BORCS5: variants seen among roughly 807,000 people sequenced by gnomAD.
The protein encoded by BORCS5 is BLOC-1 related complex subunit 5.
A neutral mutation model predicts 22.1 loss-of-function variants in BORCS5; 17 were observed. The ratio of observed to expected loss-of-function variants is 0.77; its 90% CI spans 0.53 to 1.15. The LOEUF is 1.15. Among genes scored for constraint, BORCS5 ranks in the 50% most tolerant of loss-of-function variants. The pLI is 0.00. For synonymous variants in BORCS5, 117 were observed against 99.8 expected, an observed-to-expected ratio of 1.17 and a Z score of -1.03; for missense variants, 247 against 253.2, an observed-to-expected ratio of 0.98 and a Z score of 0.17.
chr12:12,411,523 A>C (rs1289313607), intron 2 of BORCS5, among the ~76,000 whole-genome samples: 1 of 152,122 alleles, frequency 6.6e-6, no homozygotes, highest in South Asian at 2.1e-4. Flanking sequence ...ATAATAAAAT[A>C]TACATGATTT....
intron 3 of BORCS5, among the ~76,000 whole-genome samples, chr12:12,443,455 C>T (rs922139144): frequency 6.6e-6 from 1 of 152,192 alleles, no homozygotes; most frequent in Non-Finnish European, 1.5e-5. Flanking sequence ...GTAAGAAATA[C>T]AACTGGTCCC....
In BORCS5 at chr12:12,364,881, C is replaced by T. The variant is rs567103517; in HGVS notation, c.202+3532C>T. ...ACTCAGGAGGCTGAGGTGGGAGTAT[C>T]ACTTGAGCCCTAGAGGTGGAGGTTG... On this transcript the variant is annotated intron_variant, in intron 2 of 3. Coordinates refer to ENST00000314565, the MANE Select transcript of BORCS5 (RefSeq NM_058169.6). 2.0e-5 allele frequency among the ~76,000 whole-genome samples: 3 copies of T among 152,302 alleles called. No homozygotes were observed. The East Asian group carries it at 5.8e-4, about 29-fold the overall frequency.
At position 12,369,712 on chromosome 12, in the gene BORCS5, CTTT is replaced by C. The variant is rs71061052; in HGVS notation, c.202+8391_202+8393del. On this transcript the variant is annotated intron_variant, in intron 2 of 3. Transcript: ENST00000314565. ...GTGTGGTTTCATTCACCCCCCACTTCTTTTTTTTTTTTTTTTTTTTTTTTTTTT... is the reference window on the plus strand; with the variant it reads ...GTGTGGTTTCATTCACCCCCCACTTCTTTTTTTTTTTTTTTTTTTTTTTTT... Among the ~76,000 whole-genome samples, 14 of 42,944 alleles carry C rather than the reference CTTT, an allele frequency of 3.3e-4. No homozygotes were observed. The East Asian group carries it at 6.8e-3, about 21-fold the overall frequency. The allele number at this position is 42,944 out of a possible 152,430, so 28.2% of individuals were successfully genotyped here.
intron 3 of BORCS5, among the ~76,000 whole-genome samples, chr12:12,456,531 T>C (rs893446040): frequency 6.6e-6 from 1 of 152,262 alleles, no homozygotes; most frequent in African/African-American, 2.4e-5. Context: ...ACAAAAGTTT[T>C]TGAAGCACCG....
chr12:12,419,039 G>C (rs969071271), intron 2 of BORCS5, among the ~76,000 whole-genome samples: 1 of 151,676 alleles, frequency 6.6e-6, no homozygotes, highest in African/African-American at 2.4e-5. Flanking sequence ...TTATATAGCT[G>C]TTTTCTTTTT....
chr12:12,410,559 G>A (rs1323538017), intron 2 of BORCS5, among the ~76,000 whole-genome samples: 1 of 151,932 alleles, frequency 6.6e-6, no homozygotes, highest in East Asian at 1.9e-4. Context: ...TTATTTCTGA[G>A]GGCTCTGTTC....
chr12:12,371,857 T>G (rs548964707), intron 2 of BORCS5, among the ~76,000 whole-genome samples: 36 of 152,268 alleles, frequency 2.4e-4, no homozygotes, highest in Middle Eastern at 3.4e-3. Flanking sequence ...CTGCTGTGTT[T>G]CCATGTTCAG....
At chr12:12,443,534 A>G (rs1942724690) in intron 3 of BORCS5, among the ~76,000 whole-genome samples, 1 of 152,196 alleles carries the variant, frequency 6.6e-6, no homozygotes, top group South Asian at 2.1e-4. Context: ...GGTATGCTGC[A>G]CAGGGCTTCC....
At chr12:12,410,737 C>G (rs922630532) in intron 2 of BORCS5, among the ~76,000 whole-genome samples, 1 of 152,048 alleles carries the variant, frequency 6.6e-6, no homozygotes, top group Non-Finnish European at 1.5e-5. Context: ...TATGAACTTT[C>G]AAGTAGTTTT....
At chr12:12,388,813 A>T (rs1185776913) in intron 2 of BORCS5, among the ~76,000 whole-genome samples, 5 of 151,242 alleles carry the variant, frequency 3.3e-5, no homozygotes, top group African/African-American at 1.2e-4. Context: ...CAGAACATCA[A>T]GGCAACCCCA....
intron 3 of BORCS5, among the ~76,000 whole-genome samples, chr12:12,437,429 C>T (rs1942578040): frequency 6.6e-6 from 1 of 152,182 alleles, no homozygotes; most frequent in South Asian, 2.1e-4. Flanking sequence ...TGAGAACAGA[C>T]TAATACATAA....
chr12:12,358,505 G>C (rs1240698412), intron 1 of BORCS5, among the ~76,000 whole-genome samples: 1 of 152,188 alleles, frequency 6.6e-6, no homozygotes, highest in Admixed American at 6.5e-5. Flanking sequence ...TGTCATATCT[G>C]TTATAAGAAA....
At chr12:12,446,520 G>C (rs1037670359) in intron 3 of BORCS5, among the ~76,000 whole-genome samples, 2 of 152,174 alleles carry the variant, frequency 1.3e-5, no homozygotes, top group Admixed American at 6.5e-5. Context: ...TTCTGAACTA[G>C]AGTCTTATTT....
intron 3 of BORCS5, among the ~76,000 whole-genome samples, chr12:12,458,948 G>A (rs745741040): frequency 4.6e-5 from 7 of 151,552 alleles, no homozygotes; most frequent in Admixed American, 2.0e-4. Context: ...CTCTAGCCTG[G>A]GTGACAAAGC....
intron 2 of BORCS5, among the ~76,000 whole-genome samples, chr12:12,418,857 C>T (rs536337314): frequency 1.3e-5 from 2 of 152,250 alleles, no homozygotes; most frequent in Non-Finnish European, 2.9e-5. Context: ...AATCCATATA[C>T]ATTTAAAGTA....
intron 3 of BORCS5, among the ~76,000 whole-genome samples, chr12:12,436,893 C>T (rs554221181): frequency 6.6e-6 from 1 of 152,300 alleles, no homozygotes; most frequent in East Asian, 1.9e-4. Context: ...TATTGCTTTT[C>T]ATTGATGTGG....
At chr12:12,417,524 G>T (rs990783857) in intron 2 of BORCS5, among the ~76,000 whole-genome samples, 2 of 152,042 alleles carry the variant, frequency 1.3e-5, no homozygotes, top group African/African-American at 4.8e-5. Context: ...TCTTCTGTTT[G>T]GTGGTTCTAG....
At chr12:12,427,172 CTTTTTTTTTTTTTTTT>C (rs869191667) in intron 2 of BORCS5, among the ~76,000 whole-genome samples, 2 of 84,488 alleles carry the variant, frequency 2.4e-5, no homozygotes, top group Admixed American at 3.1e-4. Flanking sequence ...TCTTTCTTTT[CTTTTTTTTTTTTTTTT>C]TTTTTTTTTG....
chr12:12,401,997 C>T (rs890039585), intron 2 of BORCS5, among the ~76,000 whole-genome samples: 7 of 146,186 alleles, frequency 4.8e-5, no homozygotes, highest in Non-Finnish European at 8.9e-5. Flanking sequence ...ACCCGGGAGG[C>T]GGAGCTTGCA....
Sources: gnomAD v4.1 joint callset for allele counts (sites outside exome capture counted in the v4.1 genomes callset) on GRCh38, gnomAD v4.1.1 for gene constraint, MANE v1.5 for transcripts, NCBI Gene and HGNC (gene_info 2026-07-23, HGNC 2026-07-21) for gene names.